TUBGCP3: variants seen among roughly 807,000 people sequenced by gnomAD.
TUBGCP3 encodes the protein tubulin gamma complex component 3, also known as gamma-tubulin complex component 3.
In TUBGCP3, 50 loss-of-function variants were observed where a neutral mutation model predicts 123.1. That is an observed-to-expected ratio of 0.41 (90% CI 0.32 to 0.51). The LOEUF is 0.51. Ranked by LOEUF, TUBGCP3 falls within the 20% of genes least tolerant of loss-of-function variation. TUBGCP3 has a pLI of 0.36. For missense variants in TUBGCP3, 882 were observed against 1,127.0 expected (o/e 0.78, Z 3.11); for synonymous variants, 405 against 413.9 (o/e 0.98, Z 0.26).
rs373582190 is a variant in TUBGCP3, at chr13:112,565,068, C to A, written c.252+43G>T. On this transcript the variant is annotated intron_variant, in intron 3 of 21. Transcript: ENST00000261965. ...AAGGTTCCTATACCACTCATCATAT[C>A]CTCAACAATGAGTGCAATGACCTCC... 1.9e-6 allele frequency: 3 copies of A among 1,551,510 alleles called. No individual in the cohort carries two copies. The African/African-American group carries it at 4.1e-5, about 21-fold the overall frequency.
At chr13:112,546,746 G>A (rs962730932) in intron 10 of TUBGCP3, 2 of 152,256 alleles carry the variant, frequency 1.3e-5, no homozygotes, top group African/African-American at 4.8e-5. Context: ...ATCCAGTTCC[G>A]GAGAGGTGCT....
Position 112,486,120 on chromosome 13 carries a change from G to A in TUBGCP3, c.2597C>T (p.Thr866Met), listed in dbSNP as rs146149063. ...CCGAAGACTCTCGTCAGAGCTGGTC[G>A]TCAGTAACACCAAAAACTGCTGCAC... ...GIVQQFLVLLTTSSDESLRFL... is the reference protein window; with the variant it reads ...GIVQQFLVLLMTSSDESLRFL... The change falls in exon 22 of 22, where the codon ACG (threonine) becomes ATG (methionine). Residue 866 changes from threonine (T) to methionine (M), a missense_variant. Physicochemically the swap from Thr to Met is moderately conservative, Grantham distance 81 (BLOSUM62 -1). Transcript: ENST00000261965. The A allele has an allele frequency of 5.2e-5, 83 of 1,609,798 alleles. No homozygotes were observed. Among genetic ancestry groups the A allele is most frequent in the East Asian group, 1.1e-4 (5 of 44,872 alleles).
At chr13:112,532,094 C>T (rs1877623219) in intron 11 of TUBGCP3, among the ~76,000 whole-genome samples, 1 of 152,102 alleles carries the variant, frequency 6.6e-6, no homozygotes, top group Admixed American at 6.5e-5. Flanking sequence ...TTCAACTTGC[C>T]AATCACGCAG....
intron 21 of TUBGCP3, among the ~76,000 whole-genome samples, chr13:112,488,521 G>C (rs1879831827): frequency 6.6e-6 from 1 of 152,184 alleles, no homozygotes; most frequent in South Asian, 2.1e-4. Context: ...GTCCCCATCG[G>C]GAGTCACTGA....
rs148768247 is a variant in TUBGCP3, at chr13:112,514,176, T to G, written c.2086+2264A>C. Among the ~76,000 whole-genome samples the G allele has an allele frequency of 6.0e-4, 91 of 152,258 alleles. 1 individual carries two copies. The East Asian group carries it at 0.017, about 29-fold the overall frequency. On this transcript the variant is annotated intron_variant, in intron 17 of 21. Transcript: ENST00000261965. ...ATCCTATTTTGCCATTAGTTATTGC[T>G]GTTAATCACTTACTGTGCCTAACCT...
intron 6 of TUBGCP3, among the ~76,000 whole-genome samples, chr13:112,555,609 G>A (rs762085371): frequency 9.9e-5 from 15 of 152,146 alleles, no homozygotes; most frequent in Non-Finnish European, 1.5e-4. Context: ...TCTCTTCGAC[G>A]TGCCAGGCAC....
intron 11 of TUBGCP3, among the ~76,000 whole-genome samples, chr13:112,532,992 T>A (rs1275175196): frequency 2.0e-5 from 3 of 152,218 alleles, no homozygotes; most frequent in African/African-American, 4.8e-5. Flanking sequence ...TGGAAGTTTT[T>A]CTGTCATCTT....
chr13:112,558,493 C>G, intron 4 of TUBGCP3, 80 bp from the exon 5 acceptor site: 1 of 1,228,470 alleles, frequency 8.1e-7, no homozygotes, highest in South Asian at 2.0e-5. Flanking sequence ...CATTTATATT[C>G]AGATTTTCCT....
At chr13:112,538,871 T>C (rs1878277537) in intron 11 of TUBGCP3, among the ~76,000 whole-genome samples, 1 of 152,140 alleles carries the variant, frequency 6.6e-6, no homozygotes. Flanking sequence ...GAGACAAAAT[T>C]TCCACATTTT....
At chr13:112,534,632 C>G (rs1249166300) in intron 11 of TUBGCP3, among the ~76,000 whole-genome samples, 1 of 151,892 alleles carries the variant, frequency 6.6e-6, no homozygotes, top group Non-Finnish European at 1.5e-5. Flanking sequence ...CTACAGAGCC[C>G]TACTTGCGCT....
intron 17 of TUBGCP3, among the ~76,000 whole-genome samples, chr13:112,505,362 A>G (rs1007755098): frequency 6.6e-6 from 1 of 152,246 alleles, no homozygotes; most frequent in African/African-American, 2.4e-5. Context: ...TAGGCCCATC[A>G]GTGAGGTGAT....
chr13:112,516,469 C>A lies in TUBGCP3; in HGVS notation c.2057G>T (p.Cys686Phe). ...CATGTTTCTCAGGAGCTTTGCATTG[C>A]ACATGTGTCCCTTCCGTATGTCAGT... Reference protein sequence around the residue: ...ILTDIRKGHMCNAKLLRNMPE... With the variant: ...ILTDIRKGHMFNAKLLRNMPE... Residue 686 changes from cysteine (C) to phenylalanine (F), a missense_variant, in exon 17 of 22, where the codon TGC (cysteine) becomes TTC (phenylalanine). Cys to Phe is a radical substitution (Grantham distance 205). Around this residue, in one of 3 missense-constraint regions of TUBGCP3, gnomAD observed 713 missense variants for 874.0 expected, o/e 0.82. Transcript: ENST00000261965. The A allele has an allele frequency of 1.2e-6, 2 of 1,611,620 alleles. No individual in the cohort carries two copies. Among genetic ancestry groups the A allele is most frequent in the Non-Finnish European group, 1.7e-6 (2 of 1,178,968 alleles).
At chr13:112,602,069 A>T in the TUBGCP3 span, among the ~76,000 whole-genome samples, 1 of 152,224 alleles carries the variant, frequency 6.6e-6, no homozygotes, top group Non-Finnish European at 1.5e-5. Context: ...TGCAGTCTGA[A>T]GTGGTGAGTA....
intron 7 of TUBGCP3, 108 bp downstream of exon 7, chr13:112,554,779 C>G (rs1012684932): frequency 1.4e-6 from 1 of 729,176 alleles, no homozygotes; most frequent in African/African-American, 1.8e-5. Context: ...ACCTCACAAC[C>G]GATTCGCAAA....
chr13:112,547,727 A>T lies in TUBGCP3; in HGVS notation c.1061T>A (p.Val354Glu), dbSNP rs767219198. Residue 354 changes from valine (V) to glutamate (E), a missense_variant, in exon 10 of 22, where the codon GTG (valine) becomes GAG (glutamate). By Grantham distance (121) the Val-to-Glu change is moderately radical. Transcript: ENST00000261965. Reference protein sequence around the residue: ...SQLQLEDDQGVNLGLESSLTL... With the variant: ...SQLQLEDDQGENLGLESSLTL... Reference sequence around the variant, plus strand: ...TAAACTACTCTCAAGTCCCAAATTCACACCCTGGTCATCCTCTAGTTGTAG... The same window carrying T: ...TAAACTACTCTCAAGTCCCAAATTCTCACCCTGGTCATCCTCTAGTTGTAG... The T allele has an allele frequency of 1.3e-6, 2 of 1,525,322 alleles. No homozygotes were observed. The highest frequency in any genetic ancestry group is 2.8e-5 in the African/African-American group (2 of 71,768). The allele number at this position is 1,525,322 out of a possible 1,614,324, so 94.5% of individuals were successfully genotyped here.
chr13:112,559,298 C>T (rs779565237), intron 4 of TUBGCP3, 24 bp downstream of exon 4: 8 of 1,600,126 alleles, frequency 5.0e-6, no homozygotes, highest in Admixed American at 1.8e-5. Flanking sequence ...ACGGACACGA[C>T]GCTGCAAAGG....
At chr13:112,558,454 C>T in intron 4 of TUBGCP3, 41 bp from the exon 5 acceptor site, 1 of 1,472,350 alleles carries the variant, frequency 6.8e-7, no homozygotes, top group Non-Finnish European at 9.1e-7. Context: ...CAGGAAATTA[C>T]AGAACAGTCT....
the TUBGCP3 span, chr13:112,603,873 TGGAG>T: frequency 6.6e-6 from 1 of 152,162 alleles, no homozygotes; most frequent in South Asian, 2.1e-4. Flanking sequence ...AGAGGGAGGA[TGGAG>T]GGAGAGAGGC....
chr13:112,547,133 G>C, intron 10 of TUBGCP3: 1 of 287,082 alleles, frequency 3.5e-6, no homozygotes, highest in Non-Finnish European at 6.4e-6. Context: ...TGCAAATATG[G>C]GAACATCTGA....
Sources: allele counts gnomAD v4.1 joint callset (sites outside exome capture counted in the v4.1 genomes callset), GRCh38; gene constraint gnomAD v4.1.1; regional missense constraint gnomAD v4.1.1; transcripts MANE v1.5; gene names NCBI Gene and HGNC (gene_info 2026-07-23, HGNC 2026-07-21).